RIF1: variants seen among roughly 807,000 people sequenced by gnomAD.
RIF1 encodes the protein telomere-associated protein RIF1.
RIF1 carries 45 observed loss-of-function variants against 247.1 expected under a neutral mutation model. The ratio of observed to expected loss-of-function variants is 0.18; its 90% confidence interval spans 0.14 to 0.23. The LOEUF is 0.23. Ranked by LOEUF, RIF1 falls within the 10% of genes least tolerant of loss-of-function variation. The pLI is 1.00. For synonymous variants in RIF1, 1,087 were observed against 978.8 expected (o/e 1.11, Z -2.06); for missense variants, 2,967 against 2,862.5 (o/e 1.04, Z -0.83).
intron 11 of RIF1, chr2:151,501,477 A>G: frequency 6.7e-7 from 1 of 1,501,396 alleles, no homozygotes; most frequent in Non-Finnish European, 8.9e-7. Context: ...TTCTCTTTGT[A>G]CAATATCTGT....
intron 16 of RIF1, 62 bp from the exon 17 acceptor site, chr2:151,443,197 T>C: frequency 9.5e-7 from 1 of 1,049,098 alleles, no homozygotes; most frequent in South Asian, 1.4e-5. Context: ...AAATAACCAA[T>C]TATAAAAAAC....
intron 9 of RIF1, chr2:151,491,592 G>A: frequency 9.2e-7 from 1 of 1,090,610 alleles, no homozygotes; most frequent in Non-Finnish European, 1.4e-6. Context: ...AAACTCTGGA[G>A]GGAAGGAACT....
chr2:151,518,752 T>TA, the RIF1 span, among the ~76,000 whole-genome samples: 2 of 152,200 alleles, frequency 1.3e-5, no homozygotes, highest in African/African-American at 4.8e-5. Flanking sequence ...AAATATTTTT[T>TA]AAAAAGAAGC....
At chr2:151,418,968 C>CTT (rs36020810) in intron 6 of RIF1, among the ~76,000 whole-genome samples, 7 of 111,756 alleles carry the variant, frequency 6.3e-5, no homozygotes, top group Admixed American at 1.9e-4. Flanking sequence ...GCCTTAAATT[C>CTT]TTTTTTTTTT....
rs200013191 is a variant in RIF1 at position 151,445,473 on chromosome 2, G to A, written c.2094+28G>A. 2.5e-4 allele frequency: 266 copies of A among 1,072,278 alleles called. 1 individual carries two copies. The African/African-American group carries it at 3.4e-3, about 14-fold the overall frequency. 66.4% of individuals were successfully genotyped at this position (1,072,278 alleles called of 1,614,324 possible). A position where few individuals can be genotyped will look rare whatever the true frequency, so the allele number is the denominator to read the frequency against. ...AAGGCATTGTCAAGTATTGATTTCCGAGGGATTTGTATTTTTCTGAAAATA... is the reference window on the plus strand; with the variant it reads ...AAGGCATTGTCAAGTATTGATTTCCAAGGGATTTGTATTTTTCTGAAAATA... On this transcript the variant is annotated intron_variant, in intron 19 of 35. Transcript: ENST00000444746.
chr2:151,455,786 C>G (rs1553489500), intron 22 of RIF1, among the ~76,000 whole-genome samples: 1 of 152,110 alleles, frequency 6.6e-6, no homozygotes, highest in Non-Finnish European at 1.5e-5. Context: ...CCATGCCCAG[C>G]TAATACCCCA....
downstream of RIF1, chr2:151,485,929 A>G (rs1280701887): frequency 1.9e-6 from 3 of 1,613,636 alleles, no homozygotes; most frequent in African/African-American, 2.7e-5. Flanking sequence ...GGCACGGAAG[A>G]TTTTCTATTC....
At chr2:151,410,833 C>T (rs532774403) in intron 2 of RIF1, among the ~76,000 whole-genome samples, 35 of 150,554 alleles carry the variant, frequency 2.3e-4, no homozygotes, top group Admixed American at 1.1e-3. Context: ...CAGTGTAAAC[C>T]TCCGATGTGT....
intron 16 of RIF1, 96 bp from the exon 17 acceptor site, chr2:151,443,163 C>T: frequency 1.3e-6 from 1 of 784,480 alleles, no homozygotes; most frequent in Non-Finnish European, 2.1e-6. Flanking sequence ...TTAAATTTGT[C>T]ATGCTAAAAC....
Position 151,443,545 on chromosome 2 carries a change from G to C in RIF1, c.1822G>C (p.Glu608Gln). The C allele has an allele frequency of 1.3e-6, 2 of 1,576,034 alleles. No individual in the cohort carries two copies. Among genetic ancestry groups the C allele is most frequent in the South Asian group, 1.2e-5 (1 of 83,402 alleles). Residue 608 changes from glutamate to glutamine, a missense_variant, in exon 18 of 36, where the codon GAA becomes CAA. Coordinates refer to ENST00000444746, the MANE Select transcript of RIF1 (RefSeq NM_018151.5). ...VSDERFFLSLESLVGCVLSGP... is the reference protein window; with the variant it reads ...VSDERFFLSLQSLVGCVLSGP... Reference sequence around the variant, plus strand: ...TTTGTTCAGGTTCTTTCTCAGTTTGGAATCACTTGTAGGCTGTGTTCTTTC... The same window carrying C: ...TTTGTTCAGGTTCTTTCTCAGTTTGCAATCACTTGTAGGCTGTGTTCTTTC...
At position 151,428,772 on chromosome 2, in the gene RIF1, T is replaced by TC. The variant is rs762161842; in HGVS notation, c.787-8dup. On this transcript the variant is annotated splice_polypyrimidine_tract_variant and intron_variant, in intron 8 of 35. Coordinates refer to ENST00000444746, the MANE Select transcript of RIF1 (RefSeq NM_018151.5). ...GATAAATAACTTCTTAATGATTTTTTCCCCTTTTTAGACCTTGCATCGAAG... is the reference window on the plus strand; with the variant it reads ...GATAAATAACTTCTTAATGATTTTTTCCCCCTTTTTAGACCTTGCATCGAAG... 6.3e-7 allele frequency: 1 copy of TC among 1,587,304 alleles called. No individual in the cohort carries two copies. Among genetic ancestry groups the TC allele is most frequent in the Non-Finnish European group, 8.6e-7 (1 of 1,157,212 alleles).
intron 8 of RIF1, among the ~76,000 whole-genome samples, chr2:151,425,657 A>AC (rs1166528594): frequency 1.3e-4 from 13 of 98,872 alleles, no homozygotes; most frequent in Admixed American, 4.0e-4. Flanking sequence ...TCCTTGTGGT[A>AC]CCCTTTTTTT....
downstream of RIF1, among the ~76,000 whole-genome samples, chr2:151,510,060 C>A (rs138684936): frequency 0.018 from 2,700 of 152,290 alleles, 130 homozygotes; most frequent in East Asian, 0.2. Flanking sequence ...TGATTAACTT[C>A]TTTTAATTTA....
chr2:151,444,256 T>C (rs893659389), intron 18 of RIF1, among the ~76,000 whole-genome samples: 1 of 152,210 alleles, frequency 6.6e-6, no homozygotes, highest in African/African-American at 2.4e-5. Context: ...GGAATATGCA[T>C]TCTCTGGGCT....
At chr2:151,418,171 A>G (rs1236010583) in intron 6 of RIF1, among the ~76,000 whole-genome samples, 2 of 152,210 alleles carry the variant, frequency 1.3e-5, no homozygotes, top group Admixed American at 6.5e-5. Flanking sequence ...TACTAAATCT[A>G]TAAAAACATT....
At chr2:151,471,453 G>C (rs1280160949) in intron 34 of RIF1, among the ~76,000 whole-genome samples, 1 of 152,212 alleles carries the variant, frequency 6.6e-6, no homozygotes, top group Admixed American at 6.5e-5. Context: ...CCATGCCTAT[G>C]TCCCAAATGG....
chr2:151,431,674 C>T (rs1435457686), intron 9 of RIF1, among the ~76,000 whole-genome samples: 1 of 152,138 alleles, frequency 6.6e-6, no homozygotes, highest in African/African-American at 2.4e-5. Context: ...GTAATCCCAG[C>T]TACTTGGGAG....
intron 34 of RIF1, among the ~76,000 whole-genome samples, chr2:151,471,441 G>C (rs1487245557): frequency 6.6e-6 from 1 of 152,126 alleles, no homozygotes; most frequent in African/African-American, 2.4e-5. Context: ...TGAAGTCCTT[G>C]CCCATGCCTA....
At chr2:151,491,526 T>G (rs934745596) in intron 9 of RIF1, 10 of 616,158 alleles carry the variant, frequency 1.6e-5, no homozygotes, top group Non-Finnish European at 2.8e-5. Context: ...GAAAGTAAGT[T>G]TTGCTCACTA....
Sources: allele counts gnomAD v4.1 joint callset (sites outside exome capture counted in the v4.1 genomes callset), GRCh38; gene constraint gnomAD v4.1.1; transcripts MANE v1.5; gene names NCBI Gene and HGNC (gene_info 2026-07-23, HGNC 2026-07-21).